Variants in UPK1B observed in about 807,000 individuals in gnomAD.
UPK1B encodes uroplakin 1B.
UPK1B carries 28 observed loss-of-function variants against 34.2 expected under a neutral mutation model. The ratio of observed to expected loss-of-function variants is 0.82; its 90% CI spans 0.61 to 1.12. UPK1B has a LOEUF of 1.12. UPK1B is among the 50% of genes most tolerant of loss of function. The pLI, the probability that UPK1B is intolerant of heterozygous loss-of-function variation, is 0.00. For synonymous variants in UPK1B, 81 were observed against 110.4 expected (o/e 0.73, Z 1.67); for missense variants, 325 against 320.9 (o/e 1.01, Z -0.10).
At chr3:119,179,042 A>G (rs1224325190) in intron 1 of UPK1B, among the ~76,000 whole-genome samples, 1 of 152,154 alleles carries the variant, frequency 6.6e-6, no homozygotes, top group Non-Finnish European at 1.5e-5. Flanking sequence ...AAGGAGATAC[A>G]TAAAGAGAGA....
At chr3:119,199,774 G>A (rs112061619) in intron 7 of UPK1B, among the ~76,000 whole-genome samples, 2 of 152,306 alleles carry the variant, frequency 1.3e-5, no homozygotes, top group African/African-American at 4.8e-5. Flanking sequence ...TGTCAGGGTT[G>A]ACAACCATTG....
rs114777137 is a variant in UPK1B, at chr3:119,202,877, C to T, written c.733-1040C>T. Among the ~76,000 whole-genome samples the T allele has an allele frequency of 5.2e-3, 788 of 151,972 alleles. 2 individuals carry two copies. The highest frequency in any genetic ancestry group is 0.018 in the African/African-American group (727 of 41,416). On this transcript the variant is annotated intron_variant, in intron 7 of 7. Coordinates refer to ENST00000264234, the MANE Select transcript of UPK1B (RefSeq NM_006952.4). ...GATGGCAAAAAGAGTTTAGCACAGA[C>T]GAGAAGGGCAACCCCAGAAGACAAG...
rs1346403920 is a variant in UPK1B, at chr3:119,205,095, T to C, written c.*1128T>C. On this transcript the variant is annotated 3_prime_UTR_variant, in exon 8 of 8. Coordinates refer to ENST00000264234, the MANE Select transcript of UPK1B (RefSeq NM_006952.4). ...TTTGTGGTCCTGAAGGAAATTCTTA[T>C]AACTCAACATTTGTCTGGTCTTATA... 1 of 152,232 alleles carries C rather than the reference T, an allele frequency of 6.6e-6. No individual in the cohort carries two copies. The highest frequency in any genetic ancestry group is 2.4e-5 in the African/African-American group (1 of 41,454). 9.4% of individuals were successfully genotyped at this position (152,232 alleles called of 1,614,324 possible). A position where few individuals can be genotyped will look rare whatever the true frequency, so the allele number is the denominator to read the frequency against.
intron 1 of UPK1B, among the ~76,000 whole-genome samples, chr3:119,176,551 A>C (rs747315614): frequency 1.3e-5 from 2 of 152,250 alleles, no homozygotes; most frequent in Non-Finnish European, 2.9e-5. Context: ...GTAAATCATC[A>C]TCATACCAGG....
At chr3:119,203,513 G>A (rs138121227) in intron 7 of UPK1B, among the ~76,000 whole-genome samples, 8,342 of 152,186 alleles carry the variant, frequency 0.055, 298 homozygotes, top group South Asian at 0.12. Flanking sequence ...CATGGATGAA[G>A]CTGGAAGTCA....
At chr3:119,197,162 A>T (rs2078071216) in intron 6 of UPK1B, among the ~76,000 whole-genome samples, 1 of 152,246 alleles carries the variant, frequency 6.6e-6, no homozygotes, top group African/African-American at 2.4e-5. Flanking sequence ...GCTTGTTAAT[A>T]GTAGAAATTA....
At chr3:119,203,375 A>G (rs1266457804) in intron 7 of UPK1B, among the ~76,000 whole-genome samples, 1 of 146,252 alleles carries the variant, frequency 6.8e-6, no homozygotes, top group South Asian at 2.2e-4. Context: ...AAAATCTGAT[A>G]TCTAACAAAG....
chr3:119,184,944 G>A (rs1292721458), intron 1 of UPK1B, among the ~76,000 whole-genome samples: 2 of 152,172 alleles, frequency 1.3e-5, no homozygotes, highest in Non-Finnish European at 2.9e-5. Context: ...CAGGAATAAT[G>A]TCTGTACATA....
chr3:119,189,031 T>C (rs1236143075), intron 3 of UPK1B, among the ~76,000 whole-genome samples: 1 of 152,068 alleles, frequency 6.6e-6, no homozygotes, highest in East Asian at 1.9e-4. Flanking sequence ...ACACAGGTGT[T>C]CCTAAAGACA....
At chr3:119,180,047 C>G (rs2107425913) in intron 1 of UPK1B, among the ~76,000 whole-genome samples, 1 of 150,554 alleles carries the variant, frequency 6.6e-6, no homozygotes, top group Middle Eastern at 3.6e-3. Flanking sequence ...ATCTACCAAC[C>G]TCAGGTGATC....
At chr3:119,190,410 C>A in intron 4 of UPK1B, 91 bp downstream of exon 4, 2 of 867,774 alleles carry the variant, frequency 2.3e-6, no homozygotes. Context: ...CCCAGGCAAT[C>A]CAATATGCAC....
At chr3:119,193,583 C>T (rs1292915214) in intron 5 of UPK1B, among the ~76,000 whole-genome samples, 1 of 152,054 alleles carries the variant, frequency 6.6e-6, no homozygotes, top group Non-Finnish European at 1.5e-5. Flanking sequence ...TTATTTTTTT[C>T]ACTTTATTTT....
intron 7 of UPK1B, among the ~76,000 whole-genome samples, chr3:119,201,516 G>GA (rs1239797500): frequency 2.6e-5 from 4 of 152,070 alleles, no homozygotes; most frequent in African/African-American, 7.2e-5. Flanking sequence ...GAACGGCACA[G>GA]AAAAAAACCC....
intron 6 of UPK1B, among the ~76,000 whole-genome samples, chr3:119,195,067 T>C (rs927630098): frequency 6.6e-6 from 1 of 152,230 alleles, no homozygotes; most frequent in East Asian, 1.9e-4. Context: ...ATCCCTGTTT[T>C]ACAAACGAAG....
chr3:119,183,410 C>T (rs142993256), intron 1 of UPK1B, among the ~76,000 whole-genome samples: 1,556 of 152,028 alleles, frequency 0.01, 14 homozygotes, highest in East Asian at 0.074. Flanking sequence ...TACAGGCACC[C>T]GCCACCATGC....
intron 1 of UPK1B, among the ~76,000 whole-genome samples, chr3:119,180,053 T>C (rs2077982636): frequency 6.6e-6 from 1 of 151,716 alleles, no homozygotes; most frequent in Admixed American, 6.6e-5. Flanking sequence ...CAACCTCAGG[T>C]GATCTGCCCA....
intron 1 of UPK1B, among the ~76,000 whole-genome samples, chr3:119,180,738 A>G (rs1277978032): frequency 1.3e-5 from 2 of 152,158 alleles, no homozygotes; most frequent in Non-Finnish European, 2.9e-5. Context: ...TAACCTAAAA[A>G]AAAGTGCATT....
intron 7 of UPK1B, among the ~76,000 whole-genome samples, chr3:119,199,984 A>T (rs2078084417): frequency 6.6e-6 from 1 of 152,232 alleles, no homozygotes; most frequent in East Asian, 1.9e-4. Context: ...TTTTTGTGGA[A>T]AAACAACTAT....
chr3:119,198,794 T>C (rs41271389), intron 6 of UPK1B, among the ~76,000 whole-genome samples: 42,264 of 152,174 alleles, frequency 0.28, 6,045 homozygotes, highest in Middle Eastern at 0.39. Flanking sequence ...AGGGTTATGC[T>C]AAAATAGCAG....
Sources: allele counts gnomAD v4.1 joint callset (sites outside exome capture counted in the v4.1 genomes callset), GRCh38; gene constraint gnomAD v4.1.1; transcripts MANE v1.5; gene names NCBI Gene and HGNC (gene_info 2026-07-23, HGNC 2026-07-21).